CSNK1D: variants seen among roughly 807,000 people sequenced by gnomAD.
CSNK1D encodes casein kinase I isoform delta.
Under a neutral mutation model 46.6 loss-of-function variants are expected in CSNK1D, and 16 were observed. That is an observed-to-expected ratio of 0.34 (90% CI 0.23 to 0.52). The LOEUF (loss-of-function observed/expected upper bound fraction) is 0.52, where lower values mean the gene tolerates loss of function less well. CSNK1D is among the 20% of genes least tolerant of loss of function. The pLI is 0.95. For synonymous variants in CSNK1D, 276 were observed against 228.2 expected (o/e 1.21, Z -1.89); for missense variants, 398 against 578.4 (o/e 0.69, Z 3.20).
In CSNK1D at chr17:82,273,697, C is replaced by T; in HGVS notation, c.-316G>A. ...GCCTAAAGGAGCCGCCGCCATCGCG[C>T]TGTGACGTCACTTCCCCTAGCAACC... On this transcript the variant is annotated 5_prime_UTR_variant, in exon 1 of 9. Coordinates refer to ENST00000314028, the MANE Select transcript of CSNK1D (RefSeq NM_001893.6). The surrounding 1 kb of genome is among the most constrained non-coding windows in gnomAD (Gnocchi z 5.1). 2.0e-6 allele frequency: 1 copy of T among 499,276 alleles called. No homozygotes were observed. Among genetic ancestry groups the T allele is most frequent in the Non-Finnish European group, 3.5e-6 (1 of 286,078 alleles). The allele number at this position is 499,276 out of a possible 1,614,324, so 30.9% of individuals were successfully genotyped here. A position where few individuals can be genotyped will look rare whatever the true frequency, so the allele number is the denominator to read the frequency against.
intron 2 of CSNK1D, among the ~76,000 whole-genome samples, chr17:82,257,492 C>T (rs184032740): frequency 6.6e-6 from 1 of 152,202 alleles, no homozygotes; most frequent in Admixed American, 6.5e-5. Context: ...GTAATAGGGG[C>T]CTGATTCGCC....
In CSNK1D at chr17:82,247,096, C is replaced by CAGG. The variant is rs2050870156; in HGVS notation, c.1197+1776_1197+1778dup. ...CAACATGCCTCTCAGGAAGGCCCCCCAGGGTGTCCAGGAGCAGAGGCCAAG... is the reference window on the plus strand; with the variant it reads ...CAACATGCCTCTCAGGAAGGCCCCCCAGGAGGGTGTCCAGGAGCAGAGGCCAAG... On this transcript the variant is annotated intron_variant, in intron 8 of 8. Coordinates refer to ENST00000314028, the MANE Select transcript of CSNK1D (RefSeq NM_001893.6). The CAGG allele has an allele frequency of 2.3e-5, 23 of 985,506 alleles. No homozygotes were observed. In the South Asian group the frequency reaches 9.9e-4, roughly 42 times the overall value. The allele number at this position is 985,506 out of a possible 1,614,324, so 61.0% of individuals were successfully genotyped here.
At chr17:82,271,496 T>G (rs566180730) in intron 1 of CSNK1D, among the ~76,000 whole-genome samples, 16 of 152,348 alleles carry the variant, frequency 1.1e-4, no homozygotes, top group Middle Eastern at 3.4e-3. Flanking sequence ...ACGACTTCCA[T>G]TGACCAAGCA....
downstream of CSNK1D, among the ~76,000 whole-genome samples, chr17:82,241,310 C>T (rs2050739163): frequency 6.6e-6 from 1 of 152,214 alleles, no homozygotes; most frequent in African/African-American, 2.4e-5. Context: ...GCCCCGGACG[C>T]TGCCGTCCCT....
At chr17:82,268,193 G>A (rs1013878495) in intron 1 of CSNK1D, among the ~76,000 whole-genome samples, 7 of 152,204 alleles carry the variant, frequency 4.6e-5, no homozygotes, top group African/African-American at 9.7e-5. Context: ...CAGGGACCTC[G>A]TCACCTGCTG....
chr17:82,239,512 G>C (rs1267227869), downstream of CSNK1D: 2 of 172,420 alleles, frequency 1.2e-5, no homozygotes, highest in African/African-American at 4.7e-5. Flanking sequence ...TGGTTTTGCT[G>C]TGTGGCCTGT....
Position 82,271,467 on chromosome 17 carries a change from T to C in CSNK1D, c.76+1839A>G, listed in dbSNP as rs140044005. ...GGTTAAAACTTTCGCCAAAATCCAT[T>C]GTTCTATAAATAAGCCAAACGACTT... is the stretch of plus-strand genomic sequence containing the variant. On this transcript the variant is annotated intron_variant, in intron 1 of 8. Transcript: ENST00000314028. 6.0e-4 allele frequency among the ~76,000 whole-genome samples: 92 copies of C among 152,338 alleles called. 2 individuals are homozygous for C. Among genetic ancestry groups the C allele is most frequent in the African/African-American group, 2.2e-3 (90 of 41,572 alleles).
In CSNK1D at chr17:82,255,707, C is replaced by T; in HGVS notation, c.188-130G>A. The T allele has an allele frequency of 8.6e-7, 1 of 1,163,702 alleles. No homozygotes were observed. The highest frequency in any genetic ancestry group is 2.4e-5 in the East Asian group (1 of 42,028). The allele number at this position is 1,163,702 out of a possible 1,614,324, so 72.1% of individuals were successfully genotyped here. ...GGGGAGGGGTGGTGGAGGTAGAAGA[C>T]CCCGGCAACGCCGCTCCTCAGGGAC... On this transcript the variant is annotated intron_variant, in intron 2 of 8. Transcript: ENST00000314028. This position sits in a 1 kb window ranked among gnomAD's most constrained non-coding sequence, Gnocchi z 5.9.
intron 2 of CSNK1D, among the ~76,000 whole-genome samples, chr17:82,264,757 A>G (rs945480301): frequency 1.3e-5 from 2 of 151,912 alleles, no homozygotes; most frequent in African/African-American, 2.4e-5. Context: ...TGAGGGGCAC[A>G]CGACACCACG....
intron 8 of CSNK1D, chr17:82,247,580 A>C: frequency 1.0e-6 from 1 of 985,484 alleles, no homozygotes; most frequent in Non-Finnish European, 1.2e-6. Flanking sequence ...CTACAGAGCC[A>C]GCCGCACATC....
chr17:82,258,630 G>C (rs1004552900), intron 2 of CSNK1D, among the ~76,000 whole-genome samples: 3 of 151,988 alleles, frequency 2.0e-5, no homozygotes, highest in African/African-American at 7.3e-5. Context: ...TACTCATTTT[G>C]GAGTTTTCAC....
intron 8 of CSNK1D, chr17:82,245,248 C>G (rs570287341): frequency 5.9e-6 from 2 of 336,784 alleles, no homozygotes; most frequent in Non-Finnish European, 1.1e-5. Flanking sequence ...GGTCTCCCAG[C>G]GGCACAGACC....
chr17:82,239,873 C>T (rs1453274379), downstream of CSNK1D: 9 of 628,596 alleles, frequency 1.4e-5, no homozygotes, highest in Non-Finnish European at 2.1e-5. Context: ...CCATCCAGCC[C>T]GGCCCAGCGC....
chr17:82,257,547 C>T (rs2051204089), intron 2 of CSNK1D, among the ~76,000 whole-genome samples: 1 of 152,238 alleles, frequency 6.6e-6, no homozygotes, highest in Non-Finnish European at 1.5e-5. Context: ...CACACACCCT[C>T]ACACATCACA....
chr17:82,246,819 C>G (rs540945161), intron 8 of CSNK1D: 4 of 986,342 alleles, frequency 4.1e-6, no homozygotes, highest in Non-Finnish European at 4.8e-6. Flanking sequence ...AGCGACGGCC[C>G]GAGGAGGAAG....
In CSNK1D at chr17:82,251,478, G is replaced by A; in HGVS notation, c.786C>T (p.Asp262=). 1 of 1,614,184 alleles carries A rather than the reference G, an allele frequency of 6.2e-7. No homozygotes were observed. Among genetic ancestry groups the A allele is most frequent in the Non-Finnish European group, 8.5e-7 (1 of 1,180,036 alleles). The part of the protein sequence containing the change: ...LNFCRSLRFD[D]KPDYSYLRQL... ...GCCGCAGGTACGAGTAGTCAGGCTT[G>A]TCGTCAAAACGCAAGGAACGGCAGA... Residue 262 remains aspartate, a synonymous_variant, in exon 6 of 9, where the codon GAC becomes GAT. Transcript: ENST00000314028. The surrounding 1 kb of genome is among the most constrained non-coding windows in gnomAD (Gnocchi z 4.5).
rs983477487 is a variant in CSNK1D at position 82,243,495 on chromosome 17, C to T, written c.*1286G>A. On this transcript the variant is annotated 3_prime_UTR_variant, in exon 9 of 9. Transcript: ENST00000314028. ...GGCAGCACCAGCTCACGGAGGCCAC[C>T]TGCCTTCTGGTGGGACTCGGCCCCA... The T allele has an allele frequency of 1.0e-6, 1 of 985,548 alleles. No individual in the cohort carries two copies. The highest frequency in any genetic ancestry group is 1.2e-6 in the Non-Finnish European group (1 of 829,998). The allele number at this position is 985,548 out of a possible 1,614,324, so 61.1% of individuals were successfully genotyped here. A position where few individuals can be genotyped will look rare whatever the true frequency, so the allele number is the denominator to read the frequency against.
intron 2 of CSNK1D, among the ~76,000 whole-genome samples, chr17:82,259,006 G>C (rs2051257216): frequency 6.6e-6 from 1 of 152,210 alleles, no homozygotes; most frequent in Non-Finnish European, 1.5e-5. Flanking sequence ...TAGTCACCTT[G>C]TCAGGAAAGA....
At chr17:82,257,583 G>A (rs1365563055) in intron 2 of CSNK1D, among the ~76,000 whole-genome samples, 2 of 152,196 alleles carry the variant, frequency 1.3e-5, no homozygotes, top group African/African-American at 2.4e-5. Flanking sequence ...CACTGGGCCC[G>A]GCCAATGACT....
Sources: allele counts gnomAD v4.1 joint callset (sites outside exome capture counted in the v4.1 genomes callset), GRCh38; gene constraint gnomAD v4.1.1; non-coding constraint Gnocchi (gnomAD v3.1); transcripts MANE v1.5; gene names NCBI Gene and HGNC (gene_info 2026-07-23, HGNC 2026-07-21).